MDM4: variants seen among roughly 807,000 people sequenced by gnomAD.
The protein encoded by MDM4 is MDM4 regulator of p53.
Under a neutral mutation model 60.2 loss-of-function variants are expected in MDM4, and 2 were observed. The observed-to-expected ratio is 0.03, with a 90% CI of 0.01 to 0.10. The LOEUF is 0.10. MDM4 is among the 10% of genes least tolerant of loss of function. The pLI is 1.00. For missense variants in MDM4, 447 were observed against 577.5 expected, an observed-to-expected ratio of 0.77 and a Z score of 2.32; for synonymous variants, 202 against 198.1, an observed-to-expected ratio of 1.02 and a Z score of -0.17.
chr1:204,532,734 T>G, intron 5 of MDM4: 7 of 1,604,172 alleles, frequency 4.4e-6, no homozygotes, highest in Non-Finnish European at 5.9e-6. Context: ...AAAACTTAAC[T>G]TTCCTTTTGT....
intron 6 of MDM4, chr1:204,537,831 C>T: frequency 4.6e-6 from 3 of 652,218 alleles, no homozygotes; most frequent in Non-Finnish European, 8.7e-6. Flanking sequence ...TCATGTCAGG[C>T]CATTTCCTAA....
Position 204,554,443 on chromosome 1 carries a change from A to G in MDM4, c.*4761A>G. On this transcript the variant is annotated 3_prime_UTR_variant, in exon 11 of 11. Coordinates refer to ENST00000367182, the MANE Select transcript of MDM4 (RefSeq NM_002393.5). ...TTTGATCCTGATGCTACCTTTGCTA[A>G]AAATGGCCATAGATTAGGAACTAGC... 1 of 226,424 alleles carries G rather than the reference A, an allele frequency of 4.4e-6. No homozygotes were observed. The highest frequency in any genetic ancestry group is 8.8e-6 in the Non-Finnish European group (1 of 113,814). 14.0% of individuals were successfully genotyped at this position (226,424 alleles called of 1,614,324 possible). A position where few individuals can be genotyped will look rare whatever the true frequency, so the allele number is the denominator to read the frequency against.
intron 4 of MDM4, 83 bp downstream of exon 4, chr1:204,530,900 T>C: frequency 1.3e-6 from 2 of 1,556,270 alleles, no homozygotes; most frequent in Non-Finnish European, 1.8e-6. Context: ...TATTTATTAC[T>C]TCACTCAACA....
At chr1:204,529,369 C>A (rs938477045) in intron 3 of MDM4, 1 of 926,650 alleles carries the variant, frequency 1.1e-6, no homozygotes. Flanking sequence ...GGGGAGCCAC[C>A]CTGTCCATGA....
At chr1:204,517,239 C>T (rs1323045977) in intron 1 of MDM4, among the ~76,000 whole-genome samples, 3 of 146,288 alleles carry the variant, frequency 2.1e-5, no homozygotes, top group Non-Finnish European at 4.5e-5. Context: ...GAGATTCCGT[C>T]TCAAAAAAAA....
At chr1:204,520,065 C>G (rs1659409262) in intron 1 of MDM4, among the ~76,000 whole-genome samples, 1 of 152,056 alleles carries the variant, frequency 6.6e-6, no homozygotes, top group Non-Finnish European at 1.5e-5. Context: ...ATCACGAGGT[C>G]AGGAGATCGA....
Position 204,557,102 on chromosome 1 carries a change from A to C in MDM4, c.*7420A>C, listed in dbSNP as rs1000067274. On this transcript the variant is annotated 3_prime_UTR_variant, in exon 11 of 11. Coordinates refer to ENST00000367182, the MANE Select transcript of MDM4 (RefSeq NM_002393.5). ...CGGGAGAGCAATTCTGAAGCCTATAAATTTCCTTGAAGAGATCTAAGAACC... is the reference window on the plus strand; with the variant it reads ...CGGGAGAGCAATTCTGAAGCCTATACATTTCCTTGAAGAGATCTAAGAACC... The C allele has an allele frequency of 1.0e-5, 2 of 197,630 alleles. No individual in the cohort carries two copies. Among genetic ancestry groups the C allele is most frequent in the Non-Finnish European group, 2.1e-5 (2 of 95,418 alleles). The allele number at this position is 197,630 out of a possible 1,614,324, so 12.2% of individuals were successfully genotyped here.
At chr1:204,536,130 TA>T (rs1234698842) in intron 5 of MDM4, among the ~76,000 whole-genome samples, 1 of 152,124 alleles carries the variant, frequency 6.6e-6, no homozygotes, top group Non-Finnish European at 1.5e-5. Flanking sequence ...CGTGCGCCTA[TA>T]ATCCTAGCTA....
chr1:204,536,226 A>G (rs1440789641), intron 5 of MDM4, among the ~76,000 whole-genome samples: 4 of 152,180 alleles, frequency 2.6e-5, no homozygotes, highest in Non-Finnish European at 4.4e-5. Flanking sequence ...CTCTCCAGCC[A>G]GGGTGACAGA....
chr1:204,549,364 T>C lies in MDM4; in HGVS notation c.1155T>C (p.Leu385=). ...ATATAAAGAAAGAAAACTCCAAACT[T>C]TTTGATCCCTGCAACTCAGTGGAAT... ...DAYIKKENSK[L]FDPCNSVEFL... Residue 385 remains leucine (L), a synonymous_variant, in exon 11 of 11, where the codon CTT becomes CTC. Transcript: ENST00000367182. The C allele has an allele frequency of 6.2e-7, 1 of 1,614,140 alleles. No individual in the cohort carries two copies. Among genetic ancestry groups the C allele is most frequent in the Non-Finnish European group, 8.5e-7 (1 of 1,180,024 alleles).
intron 8 of MDM4, 127 bp from the exon 9 acceptor site, chr1:204,544,408 G>A (rs1662442462): frequency 1.1e-6 from 1 of 881,196 alleles, no homozygotes; most frequent in Non-Finnish European, 1.7e-6. Context: ...CATGTCCACT[G>A]AATAAAGGCA....
chr1:204,516,424 A>G lies in MDM4; in HGVS notation c.-121A>G, dbSNP rs1014897204. 1.3e-5 allele frequency: 2 copies of G among 152,212 alleles called. No individual in the cohort carries two copies. Among genetic ancestry groups the G allele is most frequent in the Non-Finnish European group, 2.9e-5 (2 of 68,070 alleles). 9.4% of individuals were successfully genotyped at this position (152,212 alleles called of 1,614,324 possible). A position where few individuals can be genotyped will look rare whatever the true frequency, so the allele number is the denominator to read the frequency against. ...CGGCTTCATTACTCGCCATTTCAAA[A>G]TGCTGCCGAGGCCCTAGGATCTGTG... On this transcript the variant is annotated 5_prime_UTR_variant, in exon 1 of 11. The change abolishes an upstream ATG in the 5' untranslated region. Coordinates refer to ENST00000367182, the MANE Select transcript of MDM4 (RefSeq NM_002393.5).
chr1:204,532,609 T>G (rs1660977995), intron 5 of MDM4: 2 of 629,074 alleles, frequency 3.2e-6, no homozygotes, highest in Non-Finnish European at 5.4e-6. Context: ...CCAGTTTATG[T>G]ATCATTTCCC....
At position 204,529,594 on chromosome 1, in the gene MDM4, C is replaced by T. The variant is rs866800778; in HGVS notation, c.154-1090C>T. On this transcript the variant is annotated intron_variant, in intron 3 of 10. Coordinates refer to ENST00000367182, the MANE Select transcript of MDM4 (RefSeq NM_002393.5). ...GGGGGTAGCACGCTGCCATACTGCC[C>T]TCCACTACTGGGGGGGGTCCAAGGT... The T allele has an allele frequency of 3.7e-6, 5 of 1,342,678 alleles. 1 individual carries two copies. In the South Asian group the frequency reaches 5.7e-5, roughly 15 times the overall value. The allele number at this position is 1,342,678 out of a possible 1,614,324, so 83.2% of individuals were successfully genotyped here. A position where few individuals can be genotyped will look rare whatever the true frequency, so the allele number is the denominator to read the frequency against.
intron 1 of MDM4, among the ~76,000 whole-genome samples, chr1:204,518,564 T>G (rs1659227270): frequency 6.6e-6 from 1 of 152,214 alleles, no homozygotes; most frequent in Non-Finnish European, 1.5e-5. Flanking sequence ...TAGTTTCTTG[T>G]TGCTTCATAA....
chr1:204,529,328 G>C, intron 3 of MDM4: 1 of 787,986 alleles, frequency 1.3e-6, no homozygotes, highest in Non-Finnish European at 2.3e-6. Context: ...TCACCGACTG[G>C]AACCAGGAGT....
At chr1:204,542,653 T>C (rs1662227967) in intron 7 of MDM4, 131 bp from the exon 8 acceptor site, 1 of 672,294 alleles carries the variant, frequency 1.5e-6, no homozygotes, top group Admixed American at 3.4e-5. Flanking sequence ...ATACTTGATT[T>C]CTGGTTCTTT....
chr1:204,537,530 TAC>T, intron 6 of MDM4, 33 bp downstream of exon 6: 1 of 1,502,570 alleles, frequency 6.7e-7, no homozygotes, highest in Non-Finnish European at 9.3e-7. Context: ...TCTTTTGTTG[TAC>T]AGAGTGGCCC....
chr1:204,526,546 C>A, intron 3 of MDM4, 112 bp downstream of exon 3: 1 of 730,082 alleles, frequency 1.4e-6, no homozygotes, highest in Non-Finnish European at 2.3e-6. Flanking sequence ...TCACTGCAAG[C>A]TCCGCCTCCT....
Sources: gnomAD v4.1 joint callset for allele counts (sites outside exome capture counted in the v4.1 genomes callset) on GRCh38, gnomAD v4.1.1 for gene constraint, MANE v1.5 for transcripts, NCBI Gene and HGNC (gene_info 2026-07-23, HGNC 2026-07-21) for gene names.